CNNM1: variants seen among roughly 807,000 people sequenced by gnomAD.
CNNM1 encodes cyclin and CBS domain divalent metal cation transport mediator 1, also known as metal transporter CNNM1.
A neutral mutation model predicts 78.8 loss-of-function variants in CNNM1; 44 were observed. That is an observed-to-expected ratio of 0.56 (90% CI 0.44 to 0.72). The LOEUF is 0.72. Ranked by LOEUF, CNNM1 falls within the 30% of genes least tolerant of loss-of-function variation. CNNM1 has a pLI of 0.00. For synonymous variants in CNNM1, 584 were observed against 581.5 expected (o/e 1.00, Z -0.06); for missense variants, 1,101 against 1,292.2 (o/e 0.85, Z 2.27).
intron 1 of CNNM1, among the ~76,000 whole-genome samples, chr10:99,350,695 G>C (rs1447248690): frequency 2.0e-5 from 3 of 152,170 alleles, no homozygotes; most frequent in African/African-American, 7.2e-5. Context: ...TTGTTACATA[G>C]GTAAACGTGT....
chr10:99,333,154 AT>A (rs970309098), intron 1 of CNNM1, among the ~76,000 whole-genome samples: 1 of 151,824 alleles, frequency 6.6e-6, no homozygotes, highest in Non-Finnish European at 1.5e-5. Flanking sequence ...GTGTGTCCAA[AT>A]TTTCTCTTCT....
At chr10:99,356,777 G>T (rs2031232699) in intron 1 of CNNM1, among the ~76,000 whole-genome samples, 1 of 152,072 alleles carries the variant, frequency 6.6e-6, no homozygotes. Context: ...AACCTGGAAG[G>T]GTGGGCTCAG....
chr10:99,355,061 G>A (rs945463407), intron 1 of CNNM1, among the ~76,000 whole-genome samples: 1 of 152,194 alleles, frequency 6.6e-6, no homozygotes, highest in Admixed American at 6.5e-5. Context: ...GCTATCTTAT[G>A]ATTTCAGATA....
chr10:99,342,613 C>T (rs1385433226), intron 1 of CNNM1, among the ~76,000 whole-genome samples: 2 of 151,834 alleles, frequency 1.3e-5, no homozygotes, highest in African/African-American at 4.8e-5. Flanking sequence ...GGTAGAATAA[C>T]ATTTTTGTGT....
At chr10:99,380,530 C>A (rs537748325) in intron 7 of CNNM1, among the ~76,000 whole-genome samples, 1 of 152,254 alleles carries the variant, frequency 6.6e-6, no homozygotes, top group East Asian at 1.9e-4. Context: ...GTGGCTCACA[C>A]CTGTAATCCC....
rs1564947003 is a variant in CNNM1 at position 99,356,543 on chromosome 10, AGAC to A, written c.1574-968_1574-966del. ...AAGAGAGAAAGAAAGAAAGAAAGACAGACAGACAGACAGACAGACAGAAAGAAA... is the reference window on the plus strand; with the variant it reads ...AAGAGAGAAAGAAAGAAAGAAAGACAAGACAGACAGACAGACAGAAAGAAA... On this transcript the variant is annotated intron_variant, in intron 1 of 10. Coordinates refer to ENST00000356713, the MANE Select transcript of CNNM1 (RefSeq NM_020348.3). Among the ~76,000 whole-genome samples the A allele has an allele frequency of 5.4e-3, 539 of 99,560 alleles. 4 individuals are homozygous for A. The highest frequency in any genetic ancestry group is 0.018 in the African/African-American group (469 of 26,054). 65.3% of individuals were successfully genotyped at this position (99,560 alleles called of 152,430 possible). A position where few individuals can be genotyped will look rare whatever the true frequency, so the allele number is the denominator to read the frequency against.
In CNNM1 at chr10:99,329,409, G is replaced by A. The variant is rs1227244409; in HGVS notation, c.22G>A (p.Ala8Thr). The A allele has an allele frequency of 1.6e-5, 14 of 892,720 alleles. No individual in the cohort carries two copies. The highest frequency in any genetic ancestry group is 3.4e-5 in the Admixed American group (1 of 29,370). The allele number at this position is 892,720 out of a possible 1,614,324, so 55.3% of individuals were successfully genotyped here. Residue 8 changes from alanine to threonine, a missense_variant, in exon 1 of 11, where the codon GCA (alanine) becomes ACA (threonine). This residue lies in a region of CNNM1 where 476 missense variants were observed against 484.5 expected (regional missense o/e 0.98). Transcript: ENST00000356713. ...CAGGATGGCGGCGGCCGCGGCGGCG[G>A]CAGCAGCGGTGGGTGTCAGGCTCCG... is the stretch of plus-strand genomic sequence containing the variant. Reference protein sequence around the residue: MAAAAAAAAAVGVRLRDC... With the variant: MAAAAAATAAVGVRLRDC...
At chr10:99,359,886 G>A (rs2031367457) in intron 2 of CNNM1, among the ~76,000 whole-genome samples, 1 of 120,046 alleles carries the variant, frequency 8.3e-6, no homozygotes, top group East Asian at 2.6e-4. Context: ...CTCAGGGAAA[G>A]CAAAAGAGAA....
At chr10:99,390,195 C>G in intron 9 of CNNM1, 111 bp from the exon 10 acceptor site, 1 of 759,888 alleles carries the variant, frequency 1.3e-6, no homozygotes, top group East Asian at 2.8e-5. Flanking sequence ...CTCACCTTGG[C>G]TCACGTCTTA....
intron 1 of CNNM1, among the ~76,000 whole-genome samples, chr10:99,340,364 G>C (rs1439477588): frequency 6.6e-6 from 1 of 152,092 alleles, no homozygotes; most frequent in East Asian, 1.9e-4. Flanking sequence ...TGTCAAACCT[G>C]TCTTTTTATC....
rs140395269 is a variant in CNNM1 at position 99,390,163 on chromosome 10, G to A, written c.2675-143G>A. ...AATGACACCCTGTACTTCCCTGGGC[G>A]TCCCTGCCTTGTTACACCACCCTCA... is the stretch of plus-strand genomic sequence containing the variant. On this transcript the variant is annotated intron_variant, in intron 9 of 10. Coordinates refer to ENST00000356713, the MANE Select transcript of CNNM1 (RefSeq NM_020348.3). 1,382 of 591,452 alleles carry A rather than the reference G, an allele frequency of 2.3e-3. 8 individuals carry two copies. The Middle Eastern group carries it at 0.042, about 18-fold the overall frequency. The allele number at this position is 591,452 out of a possible 1,614,324, so 36.6% of individuals were successfully genotyped here.
chr10:99,357,742 G>C, intron 2 of CNNM1, 87 bp downstream of exon 2: 2 of 1,359,738 alleles, frequency 1.5e-6, no homozygotes, highest in Non-Finnish European at 2.0e-6. Context: ...TTATAGAAAG[G>C]GTGTCAGGGC....
At chr10:99,356,630 A>AG (rs2031224221) in intron 1 of CNNM1, among the ~76,000 whole-genome samples, 3 of 142,990 alleles carry the variant, frequency 2.1e-5, no homozygotes, top group Non-Finnish European at 4.4e-5. Context: ...AGAAAAGAAA[A>AG]GAAAGAAAGA....
rs1589929048 is a variant in CNNM1, at chr10:99,391,553, C to G, written c.*37C>G. On this transcript the variant is annotated 3_prime_UTR_variant, in exon 11 of 11. Transcript: ENST00000356713. ...CAGCATTCACTGGGTGTGTGAAATT[C>G]CAGAGCTTTGGGGGAGAATCCACCC... 6 of 1,577,070 alleles carry G rather than the reference C, an allele frequency of 3.8e-6. No individual in the cohort carries two copies. The East Asian group carries it at 1.3e-4, about 35-fold the overall frequency.
Position 99,329,466 on chromosome 10 carries a change from C to T in CNNM1, c.79C>T (p.Leu27Phe), listed in dbSNP as rs1010898288. 2 of 1,435,218 alleles carry T rather than the reference C, an allele frequency of 1.4e-6. No individual in the cohort carries two copies. The highest frequency in any genetic ancestry group is 1.5e-5 in the African/African-American group (1 of 67,772). 88.9% of individuals were successfully genotyped at this position (1,435,218 alleles called of 1,614,324 possible). A position where few individuals can be genotyped will look rare whatever the true frequency, so the allele number is the denominator to read the frequency against. ...DCCSRGAVLLLFFSLSPRPPA... is the reference protein window; with the variant it reads ...DCCSRGAVLLFFFSLSPRPPA... ...CTGCAGCCGAGGCGCTGTGCTCCTGCTCTTCTTTTCCCTGTCTCCTCGGCC... is the reference window on the plus strand; with the variant it reads ...CTGCAGCCGAGGCGCTGTGCTCCTGTTCTTCTTTTCCCTGTCTCCTCGGCC... The change falls in exon 1 of 11, where the codon CTC (leucine) becomes TTC (phenylalanine). Residue 27 changes from leucine to phenylalanine, a missense_variant. Transcript: ENST00000356713.
At chr10:99,365,668 T>G (rs1443142981) in intron 6 of CNNM1, among the ~76,000 whole-genome samples, 3 of 152,204 alleles carry the variant, frequency 2.0e-5, no homozygotes, top group African/African-American at 7.2e-5. Context: ...TTTTTGTGAT[T>G]AAAAGTGTGA....
intron 7 of CNNM1, among the ~76,000 whole-genome samples, chr10:99,383,238 C>T (rs997176620): frequency 2.0e-5 from 3 of 152,092 alleles, no homozygotes; most frequent in Non-Finnish European, 4.4e-5. Flanking sequence ...TAATTCATTA[C>T]AAAATTATGT....
At chr10:99,355,355 C>T (rs1055236101) in intron 1 of CNNM1, among the ~76,000 whole-genome samples, 1 of 152,070 alleles carries the variant, frequency 6.6e-6, no homozygotes, top group African/African-American at 2.4e-5. Flanking sequence ...CAGCACACAA[C>T]ATGGCACATG....
chr10:99,347,304 A>AG (rs2030736740), intron 1 of CNNM1, among the ~76,000 whole-genome samples: 1 of 151,972 alleles, frequency 6.6e-6, no homozygotes, highest in African/African-American at 2.4e-5. Context: ...GTGGATCACG[A>AG]GGTCAGGAGT....
Sources: gnomAD v4.1 joint callset for allele counts (sites outside exome capture counted in the v4.1 genomes callset) on GRCh38, gnomAD v4.1.1 for gene constraint, gnomAD v4.1.1 regional missense constraint, MANE v1.5 for transcripts, NCBI Gene and HGNC (gene_info 2026-07-23, HGNC 2026-07-21) for gene names.